CTNNA3: variants seen among roughly 807,000 people sequenced by gnomAD.
The protein encoded by CTNNA3 is catenin alpha 3, also known as catenin alpha-3.
In CTNNA3, 76 loss-of-function variants were observed where a neutral mutation model predicts 95.7. The ratio of observed to expected loss-of-function variants is 0.79; its 90% CI spans 0.66 to 0.96. The LOEUF (loss-of-function observed/expected upper bound fraction) is 0.96, where lower values mean the gene tolerates loss of function less well. Among genes scored for constraint, CTNNA3 ranks in the 40% least tolerant of loss-of-function variants. The pLI is 0.00. For synonymous variants in CTNNA3, 431 were observed against 374.4 expected, an observed-to-expected ratio of 1.15 and a Z score of -1.74; for missense variants, 1,191 against 1,089.8, an observed-to-expected ratio of 1.09 and a Z score of -1.31.
intron 9 of CTNNA3, among the ~76,000 whole-genome samples, chr10:66,735,237 T>G (rs903105416): frequency 2.3e-4 from 35 of 151,962 alleles, no homozygotes; most frequent in South Asian, 2.1e-3. Context: ...ATAGAATTTT[T>G]GGGGAAAATA....
At chr10:66,627,419 C>T (rs1844976670) in intron 9 of CTNNA3, among the ~76,000 whole-genome samples, 1 of 152,064 alleles carries the variant, frequency 6.6e-6, no homozygotes, top group South Asian at 2.1e-4. Context: ...TCTGTCGAAT[C>T]TTAGCCTTCT....
chr10:66,715,560 A>G lies in CTNNA3; in HGVS notation c.1281+50704T>C, dbSNP rs1848424370. 2.0e-5 allele frequency among the ~76,000 whole-genome samples: 3 copies of G among 152,310 alleles called. No individual in the cohort carries two copies. In the East Asian group the frequency reaches 5.8e-4, roughly 29 times the overall value. The stretch of plus-strand genomic sequence containing the variant: ...TCTATCATTGTGCTGCCTTAAATAT[A>G]TAATTTTTAATGACAAATGAAAAGT... On this transcript the variant is annotated intron_variant, in intron 9 of 17. Transcript: ENST00000433211.
intron 13 of CTNNA3, among the ~76,000 whole-genome samples, chr10:66,160,543 A>C (rs2133932631): frequency 6.6e-6 from 1 of 151,930 alleles, no homozygotes; most frequent in Non-Finnish European, 1.5e-5. Flanking sequence ...GGCTTGAGAG[A>C]GTGCTTGATA....
At chr10:66,702,579 G>A (rs1252979470) in intron 9 of CTNNA3, among the ~76,000 whole-genome samples, 1 of 151,636 alleles carries the variant, frequency 6.6e-6, no homozygotes, top group African/African-American at 2.4e-5. Context: ...GGTGGTGGGT[G>A]CCTGTAATCC....
chr10:66,831,564 T>C (rs1398983140), intron 7 of CTNNA3, among the ~76,000 whole-genome samples: 3 of 152,168 alleles, frequency 2.0e-5, no homozygotes, highest in African/African-American at 7.2e-5. Flanking sequence ...ACTTCAATTG[T>C]TTACTGGTTT....
chr10:66,022,439 G>C (rs2079237988), intron 15 of CTNNA3, among the ~76,000 whole-genome samples: 2 of 152,026 alleles, frequency 1.3e-5, no homozygotes, highest in Non-Finnish European at 2.9e-5. Context: ...AAATTCTTCA[G>C]TATTAACATC....
chr10:66,477,389 GT>G (rs1380357358), intron 11 of CTNNA3, among the ~76,000 whole-genome samples: 1 of 152,084 alleles, frequency 6.6e-6, no homozygotes, highest in Admixed American at 6.6e-5. Context: ...AGAAGGGGTT[GT>G]TTTTGACAGA....
chr10:66,899,781 T>G (rs1845657321), intron 7 of CTNNA3, among the ~76,000 whole-genome samples: 1 of 152,022 alleles, frequency 6.6e-6, no homozygotes, highest in African/African-American at 2.4e-5. Context: ...CCTGCCAGGC[T>G]GCAGCCTGGC....
At chr10:65,932,882 G>A (rs1185303254) in intron 17 of CTNNA3, among the ~76,000 whole-genome samples, 1 of 152,014 alleles carries the variant, frequency 6.6e-6, no homozygotes, top group African/African-American at 2.4e-5. Context: ...AGAAACATGT[G>A]CCAAATGTGA....
chr10:66,114,860 CAG>C (rs1351258121), intron 13 of CTNNA3, among the ~76,000 whole-genome samples: 1 of 149,504 alleles, frequency 6.7e-6, no homozygotes, highest in Non-Finnish European at 1.5e-5. Context: ...GCCTCAGCGA[CAG>C]AGTGAGGCTC....
intron 6 of CTNNA3, among the ~76,000 whole-genome samples, chr10:67,190,512 A>G (rs1325330361): frequency 6.6e-6 from 1 of 151,988 alleles, no homozygotes; most frequent in Non-Finnish European, 1.5e-5. Flanking sequence ...ATTTCATATT[A>G]CTTATAAAAA....
chr10:66,107,675 T>G (rs138430098), intron 13 of CTNNA3, among the ~76,000 whole-genome samples: 1 of 152,082 alleles, frequency 6.6e-6, no homozygotes, highest in Non-Finnish European at 1.5e-5. Context: ...ATAGACATTA[T>G]CTCACTAATC....
chr10:66,791,013 C>T (rs746367870), intron 7 of CTNNA3, among the ~76,000 whole-genome samples: 1 of 152,118 alleles, frequency 6.6e-6, no homozygotes, highest in Non-Finnish European at 1.5e-5. Context: ...CTCATTATTC[C>T]CTAATTGGCC....
At chr10:66,465,003 T>C (rs934265470) in intron 11 of CTNNA3, among the ~76,000 whole-genome samples, 1 of 152,172 alleles carries the variant, frequency 6.6e-6, no homozygotes, top group East Asian at 1.9e-4. Context: ...TAATTAGTAA[T>C]GAGAGTAAAT....
intron 7 of CTNNA3, among the ~76,000 whole-genome samples, chr10:67,114,844 T>A (rs561205353): frequency 2.8e-4 from 43 of 151,960 alleles, no homozygotes; most frequent in Non-Finnish European, 3.8e-4. Flanking sequence ...CCTCTTTTTT[T>A]AAAAAAATCT....
intron 7 of CTNNA3, among the ~76,000 whole-genome samples, chr10:66,846,334 CA>C (rs1843273835): frequency 1.3e-5 from 2 of 152,048 alleles, no homozygotes; most frequent in African/African-American, 4.8e-5. Context: ...AGTTGCTTAT[CA>C]ATGGGCATAA....
intron 5 of CTNNA3, among the ~76,000 whole-genome samples, chr10:67,453,019 T>C (rs1652721713): frequency 6.6e-6 from 1 of 152,192 alleles, no homozygotes; most frequent in African/African-American, 2.4e-5. Context: ...GTGTTACTTT[T>C]TGACACTTAC....
rs1846174376 is a variant in CTNNA3, at chr10:66,659,231, A to T, written c.1282-37447T>A. On this transcript the variant is annotated intron_variant, in intron 9 of 17. Transcript: ENST00000433211. ...ACACACACACACATACGTGTAGTTC[A>T]ATTTAACTTCAGATATACAATGCTC... Among the ~76,000 whole-genome samples the T allele has an allele frequency of 3.3e-5, 5 of 150,686 alleles. No individual in the cohort carries two copies. In the South Asian group the frequency reaches 1.0e-3, roughly 32 times the overall value.
intron 13 of CTNNA3, among the ~76,000 whole-genome samples, chr10:66,177,472 A>G (rs976911758): frequency 2.0e-5 from 3 of 151,988 alleles, no homozygotes; most frequent in African/African-American, 7.2e-5. Context: ...TTTTCAGGGA[A>G]GAAAATATCA....
Sources: gnomAD v4.1 joint callset for allele counts (sites outside exome capture counted in the v4.1 genomes callset) on GRCh38, gnomAD v4.1.1 for gene constraint, MANE v1.5 for transcripts, NCBI Gene and HGNC (gene_info 2026-07-23, HGNC 2026-07-21) for gene names.